The following LRRC36 variants were observed in gnomAD, a reference collection of about 807,000 sequenced individuals.
LRRC36 encodes leucine rich repeat containing 36.
Under a neutral mutation model 81.1 loss-of-function variants are expected in LRRC36, and 62 were observed. That is an observed-to-expected ratio of 0.76 (90% CI 0.62 to 0.94). LRRC36 has a LOEUF of 0.94. Ranked by LOEUF, LRRC36 falls within the 40% of genes least tolerant of loss-of-function variation. The pLI, the probability that LRRC36 is intolerant of heterozygous loss-of-function variation, is 0.00. For synonymous variants in LRRC36, 334 were observed against 348.6 expected (o/e 0.96, Z 0.47); for missense variants, 761 against 881.7 (o/e 0.86, Z 1.73).
chr16:67,371,139 C>T lies in LRRC36; in HGVS notation c.1391C>T (p.Thr464Ile). The T allele has an allele frequency of 3.1e-6, 5 of 1,614,160 alleles. No individual in the cohort carries two copies. The highest frequency in any genetic ancestry group is 4.2e-6 in the Non-Finnish European group (5 of 1,180,020). The change falls in exon 9 of 14, where the codon ACC becomes ATC. Residue 464 changes from threonine (T) to isoleucine (I), a missense_variant. Physicochemically the swap from Thr to Ile is moderately conservative, Grantham distance 89 (BLOSUM62 -1). Coordinates refer to ENST00000329956, the MANE Select transcript of LRRC36 (RefSeq NM_018296.6). ...PGTSEHRKIFTKRSLSPSKRG... is the reference protein window; with the variant it reads ...PGTSEHRKIFIKRSLSPSKRG... ...ACTTCAGAACACAGAAAGATTTTTA[C>T]CAAGAGGTCACTAAGCCCATCGAAG...
intron 1 of LRRC36, among the ~76,000 whole-genome samples, chr16:67,331,908 A>G (rs964371982): frequency 6.6e-6 from 1 of 151,688 alleles, no homozygotes; most frequent in African/African-American, 2.4e-5. Flanking sequence ...GAATCGCTTG[A>G]ACCCTGAAGG....
At chr16:67,374,356 T>C (rs1277643375) in intron 9 of LRRC36, among the ~76,000 whole-genome samples, 3 of 152,124 alleles carry the variant, frequency 2.0e-5, no homozygotes, top group African/African-American at 7.2e-5. Context: ...GAACCATAGA[T>C]GTAGGTGTCA....
At chr16:67,356,687 C>T (rs1414517167) in intron 5 of LRRC36, among the ~76,000 whole-genome samples, 1 of 152,146 alleles carries the variant, frequency 6.6e-6, no homozygotes, top group African/African-American at 2.4e-5. Flanking sequence ...GAGACAAGAG[C>T]TCTACTATGG....
intron 8 of LRRC36, 71 bp downstream of exon 8, chr16:67,367,528 G>A (rs888593370): frequency 5.1e-6 from 7 of 1,366,992 alleles, no homozygotes; most frequent in East Asian, 2.3e-5. Context: ...TGAAAATTTT[G>A]GAATTAACCC....
rs546868177 is a variant in LRRC36, at chr16:67,366,476, A to G, written c.755-541A>G. 2.6e-5 allele frequency among the ~76,000 whole-genome samples: 4 copies of G among 152,224 alleles called. No homozygotes were observed. The East Asian group carries it at 7.7e-4, about 29-fold the overall frequency. ...CAAAAAATACAAAAATTAGCCGGGC[A>G]TGGTGGTGCTTGCCTATAATCTCAG... On this transcript the variant is annotated intron_variant, in intron 7 of 13. Transcript: ENST00000329956.
chr16:67,356,737 G>A (rs1227049757), intron 5 of LRRC36, among the ~76,000 whole-genome samples: 2 of 152,178 alleles, frequency 1.3e-5, no homozygotes, highest in Non-Finnish European at 2.9e-5. Context: ...GTTGCAGTTA[G>A]TACTCATTGC....
chr16:67,364,418 G>A (rs556019794), intron 6 of LRRC36, among the ~76,000 whole-genome samples: 2 of 152,298 alleles, frequency 1.3e-5, no homozygotes, highest in Admixed American at 1.3e-4. Context: ...AAAATAGCCA[G>A]GAGGAGAAAG....
intron 8 of LRRC36, among the ~76,000 whole-genome samples, chr16:67,369,881 C>A (rs1395723350): frequency 6.6e-6 from 1 of 152,092 alleles, no homozygotes; most frequent in Admixed American, 6.6e-5. Flanking sequence ...ATGGGAGCTA[C>A]AATTCAAGAT....
chr16:67,334,882 C>A (rs1311166498), intron 1 of LRRC36, among the ~76,000 whole-genome samples: 1 of 151,972 alleles, frequency 6.6e-6, no homozygotes, highest in Non-Finnish European at 1.5e-5. Context: ...CGTGATGCCC[C>A]CTGAGCCATA....
In LRRC36 at chr16:67,341,329, C is replaced by A. The variant is rs1017503119; in HGVS notation, c.71-628C>A. Among the ~76,000 whole-genome samples the A allele has an allele frequency of 5.4e-4, 79 of 145,910 alleles. 1 individual carries two copies. The highest frequency in any genetic ancestry group is 1.9e-3 in the African/African-American group (75 of 39,730). On this transcript the variant is annotated intron_variant, in intron 1 of 13. Transcript: ENST00000329956. ...CTATAGACTATAGACTATATATAGTCTATATATATGTTTTGTACATATGCA... is the reference window on the plus strand; with the variant it reads ...CTATAGACTATAGACTATATATAGTATATATATATGTTTTGTACATATGCA...
At chr16:67,329,482 G>A (rs1233668132) in intron 1 of LRRC36, among the ~76,000 whole-genome samples, 3 of 150,312 alleles carry the variant, frequency 2.0e-5, no homozygotes, top group African/African-American at 7.3e-5. Context: ...TAGTAGAGAC[G>A]GGGTTTCACC....
Position 67,350,624 on chromosome 16 carries a change from G to T in LRRC36, c.577+334G>T, listed in dbSNP as rs143154002. Among the ~76,000 whole-genome samples, 14 of 152,322 alleles carry T rather than the reference G, an allele frequency of 9.2e-5. No homozygotes were observed. The East Asian group carries it at 2.5e-3, about 27-fold the overall frequency. ...TGCATACATCCAGCTCACACCCTGG[G>T]CTTCCTGGGCTGCCCAACCAAGAAC... On this transcript the variant is annotated intron_variant, in intron 5 of 13. Transcript: ENST00000329956.
At chr16:67,329,017 CT>C (rs1457194285) in intron 1 of LRRC36, among the ~76,000 whole-genome samples, 3 of 152,126 alleles carry the variant, frequency 2.0e-5, no homozygotes, top group Admixed American at 1.3e-4. Flanking sequence ...TCAAGCGATT[CT>C]TCTGCCTCAG....
chr16:67,376,951 C>T (rs760274703), intron 11 of LRRC36, 79 bp downstream of exon 11: 25 of 1,434,794 alleles, frequency 1.7e-5, no homozygotes, highest in South Asian at 3.0e-5. Flanking sequence ...TCAGCATCAC[C>T]GTGAACACCT....
chr16:67,368,259 C>T (rs1305929849), intron 8 of LRRC36, among the ~76,000 whole-genome samples: 2 of 152,166 alleles, frequency 1.3e-5, no homozygotes, highest in African/African-American at 2.4e-5. Flanking sequence ...CTTACATTCT[C>T]ATGGGGTAAG....
chr16:67,365,263 G>T (rs779555781), intron 6 of LRRC36, 41 bp from the exon 7 acceptor site: 31 of 1,383,976 alleles, frequency 2.2e-5, no homozygotes, highest in Admixed American at 3.4e-5. Flanking sequence ...ATTTGAACGC[G>T]CATGGACTTC....
Position 67,371,506 on chromosome 16 carries a change from G to A in LRRC36, c.1494+264G>A, listed in dbSNP as rs1237996814. On this transcript the variant is annotated intron_variant, in intron 9 of 13. Transcript: ENST00000329956. ...TACTTCCGGCTGAAGATTGAACTCT[G>A]TAGCATCTATGTTTACAGTCTCATC... The A allele has an allele frequency of 6.1e-6, 3 of 492,458 alleles. No homozygotes were observed. The Admixed American group carries it at 9.8e-5, about 16-fold the overall frequency. The allele number at this position is 492,458 out of a possible 1,614,324, so 30.5% of individuals were successfully genotyped here.
rs749608719 is a variant in LRRC36 at position 67,363,641 on chromosome 16, C to T, written c.629C>T (p.Ser210Phe). 1 of 1,613,950 alleles carries T rather than the reference C, an allele frequency of 6.2e-7. No individual in the cohort carries two copies. Among genetic ancestry groups the T allele is most frequent in the Non-Finnish European group, 8.5e-7 (1 of 1,179,818 alleles). ...TTCCCCAACCGGGAAATAAAGGATT[C>T]CCTAAGTACTTCTGCAACTCAGGGC... Reference protein sequence around the residue: ...IPFPNREIKDSLSTSATQGNG... With the variant: ...IPFPNREIKDFLSTSATQGNG... Residue 210 changes from serine to phenylalanine, a missense_variant, in exon 6 of 14, where the codon TCC becomes TTC. This residue lies in a region of LRRC36 where 263 missense variants were observed against 279.3 expected (regional missense o/e 0.94). Coordinates refer to ENST00000329956, the MANE Select transcript of LRRC36 (RefSeq NM_018296.6).
chr16:67,336,941 T>A (rs370056341), intron 1 of LRRC36, among the ~76,000 whole-genome samples: 66 of 152,136 alleles, frequency 4.3e-4, no homozygotes, highest in African/African-American at 1.3e-3. Context: ...CTAATTTTTT[T>A]AATTTTTTGT....
Sources: allele counts gnomAD v4.1 joint callset (sites outside exome capture counted in the v4.1 genomes callset), GRCh38; gene constraint gnomAD v4.1.1; regional missense constraint gnomAD v4.1.1; transcripts MANE v1.5; gene names NCBI Gene and HGNC (gene_info 2026-07-23, HGNC 2026-07-21).